The following TMC1 variants were observed in gnomAD, a reference collection of about 807,000 sequenced individuals.
TMC1 encodes the protein transmembrane channel-like protein 1.
A neutral mutation model predicts 105.8 loss-of-function variants in TMC1; 84 were observed. The ratio of observed to expected loss-of-function variants is 0.79; its 90% CI spans 0.67 to 0.95. The LOEUF is 0.95. Among genes scored for constraint, TMC1 ranks in the 40% least tolerant of loss-of-function variants. The pLI is 0.00. For missense variants in TMC1, 817 were observed against 914.1 expected (o/e 0.89, Z 1.37); for synonymous variants, 315 against 311.5 (o/e 1.01, Z -0.12).
At chr9:72,787,743 T>G (rs1828193326) in intron 13 of TMC1, among the ~76,000 whole-genome samples, 1 of 151,962 alleles carries the variant, frequency 6.6e-6, no homozygotes, top group South Asian at 2.1e-4. Flanking sequence ...TAAAACCACT[T>G]GGCATTCAGG....
intron 5 of TMC1, among the ~76,000 whole-genome samples, chr9:72,659,509 C>T (rs771752455): frequency 1.3e-5 from 2 of 152,146 alleles, no homozygotes; most frequent in Non-Finnish European, 2.9e-5. Flanking sequence ...TGGCATGTGC[C>T]TGTAGTCCCA....
intron 5 of TMC1, chr9:72,656,157 C>A: frequency 1.6e-6 from 1 of 608,472 alleles, no homozygotes; most frequent in South Asian, 1.4e-5. Context: ...CCATCTTCGG[C>A]TCCGTGGGTG....
At chr9:72,627,448 A>G (rs1825367825) in intron 3 of TMC1, among the ~76,000 whole-genome samples, 1 of 152,132 alleles carries the variant, frequency 6.6e-6, no homozygotes, top group South Asian at 2.1e-4. Context: ...AGTAGATCCC[A>G]CTGCAGTGGC....
At chr9:72,812,918 C>G (rs1828728347) in intron 18 of TMC1, among the ~76,000 whole-genome samples, 1 of 152,186 alleles carries the variant, frequency 6.6e-6, no homozygotes, top group South Asian at 2.1e-4. Flanking sequence ...AAGTGAGCAC[C>G]ATATGTCTTC....
intron 1 of TMC1, among the ~76,000 whole-genome samples, chr9:72,542,906 C>T (rs941986603): frequency 9.9e-5 from 15 of 152,092 alleles, no homozygotes; most frequent in African/African-American, 3.4e-4. Context: ...GTCTCGAACT[C>T]CTGACCTCAT....
intron 6 of TMC1, among the ~76,000 whole-genome samples, chr9:72,694,131 G>A (rs762792465): frequency 5.9e-5 from 9 of 152,004 alleles, no homozygotes; most frequent in Non-Finnish European, 1.3e-4. Context: ...TAAGATAGAA[G>A]TAGTAATAAA....
chr9:72,694,686 G>A lies in TMC1; in HGVS notation c.208G>A (p.Glu70Lys), dbSNP rs2132189668. The A allele has an allele frequency of 6.2e-7, 1 of 1,611,370 alleles. No homozygotes were observed. Among genetic ancestry groups the A allele is most frequent in the African/African-American group, 1.3e-5 (1 of 74,912 alleles). ...AGAAACAAGGAAGGCAAGAGAAAAAGAGAGGAGGAGGAGGCTAAAGAGAGG... is the reference window on the plus strand; with the variant it reads ...AGAAACAAGGAAGGCAAGAGAAAAAAAGAGGAGGAGGAGGCTAAAGAGAGG... ...DEETRKAREK[E>K]RRRRLKRGAE... The change falls in exon 7 of 24, where the codon GAG (glutamate) becomes AAG (lysine). Residue 70 changes from glutamate (E) to lysine (K), a missense_variant. By Grantham distance (56) the Glu-to-Lys change is moderately conservative. Coordinates refer to ENST00000297784, the MANE Select transcript of TMC1 (RefSeq NM_138691.3).
At position 72,671,881 on chromosome 9, in the gene TMC1, T is replaced by C. The variant is rs74308757; in HGVS notation, c.17-16828T>C. Among the ~76,000 whole-genome samples the C allele has an allele frequency of 9.4e-3, 1,430 of 152,312 alleles. 58 individuals carry two copies. The East Asian group carries it at 0.12, about 13-fold the overall frequency. ...AATCATTATTTATTCAATATAAAGT[T>C]ATCCTTACTGAAAAAATAAGATATA... On this transcript the variant is annotated intron_variant, in intron 5 of 23. Transcript: ENST00000297784.
chr9:72,546,818 AT>A (rs1564401903), intron 1 of TMC1, among the ~76,000 whole-genome samples: 1 of 152,064 alleles, frequency 6.6e-6, no homozygotes, highest in Non-Finnish European at 1.5e-5. Flanking sequence ...AAATCTACTG[AT>A]TTTCTTGTGT....
At position 72,656,116 on chromosome 9, in the gene TMC1, C is replaced by T. The variant is rs77403449; in HGVS notation, c.16+7452C>T. 2,286 of 666,758 alleles carry T rather than the reference C, an allele frequency of 3.4e-3. 43 individuals are homozygous for T. In the African/African-American group the frequency reaches 0.035, roughly 10 times the overall value. The allele number at this position is 666,758 out of a possible 1,614,324, so 41.3% of individuals were successfully genotyped here. On this transcript the variant is annotated intron_variant, in intron 5 of 23. Coordinates refer to ENST00000297784, the MANE Select transcript of TMC1 (RefSeq NM_138691.3). The stretch of plus-strand genomic sequence containing the variant: ...CTTCGCCAGGGATTTTACATTGCAG[C>T]TTGTTAGAGTGATTCGAATTCGGTG...
intron 2 of TMC1, among the ~76,000 whole-genome samples, chr9:72,590,541 G>A (rs879852484): frequency 1.3e-4 from 20 of 152,184 alleles, no homozygotes; most frequent in African/African-American, 4.6e-4. Flanking sequence ...AAATTCTTTC[G>A]ACTCGGTTTC....
chr9:72,574,647 A>T (rs12002520), intron 1 of TMC1, among the ~76,000 whole-genome samples: 21,553 of 152,236 alleles, frequency 0.14, 1,615 homozygotes, highest in Non-Finnish European at 0.17. Flanking sequence ...GCTGATACAG[A>T]ATGCCAGGTT....
At chr9:72,653,678 T>C (rs1405254673) in intron 5 of TMC1, among the ~76,000 whole-genome samples, 1 of 152,124 alleles carries the variant, frequency 6.6e-6, no homozygotes, top group Non-Finnish European at 1.5e-5. Context: ...TTTTGACAAA[T>C]GTATATACAT....
At chr9:72,702,698 T>C (rs1427749164) in intron 8 of TMC1, among the ~76,000 whole-genome samples, 3 of 151,828 alleles carry the variant, frequency 2.0e-5, no homozygotes, top group African/African-American at 7.3e-5. Context: ...TGGTACCAGT[T>C]TGGATAAACA....
intron 1 of TMC1, among the ~76,000 whole-genome samples, chr9:72,527,516 C>G (rs1488237458): frequency 6.6e-6 from 1 of 152,160 alleles, no homozygotes; most frequent in South Asian, 2.1e-4. Flanking sequence ...AGAGCAGCCT[C>G]TTTCCTCTGC....
At chr9:72,717,412 C>T (rs748612301) in intron 8 of TMC1, among the ~76,000 whole-genome samples, 7 of 152,020 alleles carry the variant, frequency 4.6e-5, no homozygotes, top group African/African-American at 7.2e-5. Flanking sequence ...TTGTGAGACT[C>T]ATGATTTAGA....
intron 13 of TMC1, among the ~76,000 whole-genome samples, chr9:72,780,913 G>T (rs1828085841): frequency 6.6e-6 from 1 of 152,100 alleles, no homozygotes; most frequent in Non-Finnish European, 1.5e-5. Context: ...GATTATTGAG[G>T]CAGAAAACTA....
intron 4 of TMC1, among the ~76,000 whole-genome samples, chr9:72,631,936 A>G (rs568062717): frequency 6.6e-6 from 1 of 152,398 alleles, no homozygotes; most frequent in East Asian, 1.9e-4. Context: ...TAGGAAGAAT[A>G]GTGAACGGTG....
intron 1 of TMC1, among the ~76,000 whole-genome samples, chr9:72,555,193 GTT>G (rs35020451): frequency 0.044 from 5,699 of 130,536 alleles, 118 homozygotes; most frequent in Middle Eastern, 0.095. Context: ...TTTTGATTCT[GTT>G]TTTTTTTTTT....
Sources: allele counts gnomAD v4.1 joint callset (sites outside exome capture counted in the v4.1 genomes callset), GRCh38; gene constraint gnomAD v4.1.1; transcripts MANE v1.5; gene names NCBI Gene and HGNC (gene_info 2026-07-23, HGNC 2026-07-21).